The following RPS6KA5 variants were observed in gnomAD, a reference collection of about 807,000 sequenced individuals.
RPS6KA5 encodes the protein ribosomal protein S6 kinase alpha-5.
RPS6KA5 carries 27 observed loss-of-function variants against 85.5 expected under a neutral mutation model. The ratio of observed to expected loss-of-function variants is 0.32; its 90% confidence interval spans 0.23 to 0.44. The LOEUF (loss-of-function observed/expected upper bound fraction) is 0.44, where lower values mean the gene tolerates loss of function less well. RPS6KA5 is among the 20% of genes least tolerant of loss of function. The probability of loss-of-function intolerance (pLI) is 1.00; values close to 1 mark genes in which losing one functional copy is unlikely to be tolerated. For missense variants in RPS6KA5, 811 were observed against 980.9 expected, an observed-to-expected ratio of 0.83 and a Z score of 2.31; for synonymous variants, 334 against 348.2, an observed-to-expected ratio of 0.96 and a Z score of 0.46.
intron 3 of RPS6KA5, among the ~76,000 whole-genome samples, chr14:90,960,644 C>T (rs954400227): frequency 6.6e-6 from 1 of 152,210 alleles, no homozygotes. Context: ...AAACTGTCTA[C>T]TGCTAGAATT....
chr14:90,909,442 C>T (rs527440543), intron 7 of RPS6KA5, among the ~76,000 whole-genome samples: 24 of 152,278 alleles, frequency 1.6e-4, no homozygotes, highest in Middle Eastern at 3.4e-3. Flanking sequence ...AAACCCCTCA[C>T]GTGTATGTTA....
intron 12 of RPS6KA5, among the ~76,000 whole-genome samples, chr14:90,895,965 C>T (rs921808070): frequency 6.6e-6 from 1 of 152,212 alleles, no homozygotes; most frequent in East Asian, 1.9e-4. Flanking sequence ...TGGCAATATA[C>T]TGAATTCAGG....
intron 3 of RPS6KA5, among the ~76,000 whole-genome samples, chr14:90,974,821 C>A (rs1311890075): frequency 6.6e-6 from 1 of 152,156 alleles, no homozygotes; most frequent in Non-Finnish European, 1.5e-5. Flanking sequence ...CTCAGCCAAC[C>A]CATGGGATCA....
At chr14:91,054,854 T>G (rs1386530342) in intron 1 of RPS6KA5, among the ~76,000 whole-genome samples, 2 of 151,932 alleles carry the variant, frequency 1.3e-5, no homozygotes, top group African/African-American at 4.8e-5. Context: ...ATCAAAAAAG[T>G]GAAAAGACAG....
intron 1 of RPS6KA5, among the ~76,000 whole-genome samples, chr14:91,059,114 G>A (rs1358935246): frequency 6.6e-6 from 1 of 152,078 alleles, no homozygotes; most frequent in Admixed American, 6.6e-5. Flanking sequence ...GATCACTTGA[G>A]GTCGGGAGTT....
chr14:90,974,411 T>C (rs1315058707), intron 3 of RPS6KA5, among the ~76,000 whole-genome samples: 1 of 152,212 alleles, frequency 6.6e-6, no homozygotes, highest in Non-Finnish European at 1.5e-5. Flanking sequence ...TTACAATTAG[T>C]AAAATATGAA....
intron 5 of RPS6KA5, among the ~76,000 whole-genome samples, chr14:90,941,940 GT>G (rs977950959): frequency 7.9e-5 from 12 of 152,088 alleles, no homozygotes; most frequent in African/African-American, 2.9e-4. Flanking sequence ...GGCATAAAAA[GT>G]TTTAAAAATC....
intron 2 of RPS6KA5, among the ~76,000 whole-genome samples, chr14:90,991,095 G>A (rs1172304153): frequency 6.6e-6 from 1 of 152,056 alleles, no homozygotes; most frequent in African/African-American, 2.4e-5. Flanking sequence ...AAAGACAGGG[G>A]AAACTGAAAG....
chr14:90,957,886 A>C (rs2038606006), intron 3 of RPS6KA5, among the ~76,000 whole-genome samples: 1 of 151,978 alleles, frequency 6.6e-6, no homozygotes. Flanking sequence ...TCATGCATGA[A>C]ATCTCAGCAC....
intron 2 of RPS6KA5, among the ~76,000 whole-genome samples, chr14:90,988,405 A>G (rs2040150563): frequency 6.6e-6 from 1 of 152,236 alleles, no homozygotes; most frequent in South Asian, 2.1e-4. Flanking sequence ...AGCATTTATT[A>G]TGTGTCAGGC....
chr14:90,956,467 G>A (rs2038515078), intron 3 of RPS6KA5, among the ~76,000 whole-genome samples: 1 of 152,042 alleles, frequency 6.6e-6, no homozygotes, highest in Non-Finnish European at 1.5e-5. Context: ...CCCCCAGTCT[G>A]ACAATCTCTG....
intron 11 of RPS6KA5, 112 bp downstream of exon 11, chr14:90,899,996 T>G (rs1001614157): frequency 2.3e-6 from 2 of 885,230 alleles, no homozygotes; most frequent in Non-Finnish European, 3.1e-6. Flanking sequence ...GGTTAAACCT[T>G]TGGGTAAGAA....
chr14:90,890,598 A>G lies in RPS6KA5; in HGVS notation c.1725T>C (p.Asp575=), dbSNP rs1162841258. The G allele has an allele frequency of 6.2e-7, 1 of 1,614,182 alleles. No homozygotes were observed. Among genetic ancestry groups the G allele is most frequent in the South Asian group, 1.1e-5 (1 of 91,082 alleles). The change falls in exon 14 of 17, where the codon GAT becomes GAC. Residue 575 remains aspartate (D), a synonymous_variant. Coordinates refer to ENST00000614987, the MANE Select transcript of RPS6KA5 (RefSeq NM_004755.4). ...AGCATGGAGTCTTCAGGGGCTGATT[A>G]TCCGGTGGCTTTAGCCGTGCAAATC... ...DFGFARLKPP[D]NQPLKTPCFT... is the part of the protein sequence containing the mutation.
intron 5 of RPS6KA5, among the ~76,000 whole-genome samples, chr14:90,931,865 C>T (rs1249089016): frequency 6.6e-6 from 1 of 151,986 alleles, no homozygotes; most frequent in Non-Finnish European, 1.5e-5. Flanking sequence ...ATGAAACATC[C>T]CATTTATCAG....
At chr14:90,917,321 T>C (rs1595209087) in intron 7 of RPS6KA5, among the ~76,000 whole-genome samples, 4 of 152,198 alleles carry the variant, frequency 2.6e-5, no homozygotes, top group South Asian at 4.2e-4. Flanking sequence ...CTTCCTAGCC[T>C]GTCCTGGAAA....
chr14:91,010,915 G>A (rs1337821217), intron 1 of RPS6KA5, among the ~76,000 whole-genome samples: 2 of 152,092 alleles, frequency 1.3e-5, no homozygotes, highest in African/African-American at 4.8e-5. Context: ...ATATGTTAAG[G>A]TGTCAAGGGC....
At chr14:91,016,481 T>C (rs865969272) in intron 1 of RPS6KA5, among the ~76,000 whole-genome samples, 7 of 152,212 alleles carry the variant, frequency 4.6e-5, no homozygotes, top group Non-Finnish European at 7.3e-5. Flanking sequence ...CATTCTGTCA[T>C]ATTTTTCTAT....
chr14:90,906,269 G>A lies in RPS6KA5; in HGVS notation c.837C>T (p.Pro279=), dbSNP rs1381077261. Residue 279 remains proline (P), a synonymous_variant, in exon 8 of 17, where the codon CCC becomes CCT. Coordinates refer to ENST00000614987, the MANE Select transcript of RPS6KA5 (RefSeq NM_004755.4). ...RRILKSEPPY[P]QEMSALAKDL... is the part of the protein sequence containing the mutation. ...CTTTCGCTAAAGCACTCATTTCTTG[G>A]GGATATGGAGGCTCACTTTTTAATA... The A allele has an allele frequency of 1.2e-6, 2 of 1,608,994 alleles. No homozygotes were observed. The highest frequency in any genetic ancestry group is 2.7e-5 in the African/African-American group (2 of 74,748).
chr14:90,859,931 G>T lies in RPS6KA5; in HGVS notation c.*12143C>A, dbSNP rs1035076521. The T allele has an allele frequency of 1.3e-5, 2 of 150,750 alleles. No individual in the cohort carries two copies. The highest frequency in any genetic ancestry group is 4.9e-5 in the African/African-American group (2 of 40,930). 9.3% of individuals were successfully genotyped at this position (150,750 alleles called of 1,614,324 possible). ...AACAATGAGAACACATGGAAACAGG[G>T]AGGGGAACATCACACGCTGGGGCCT... On this transcript the variant is annotated 3_prime_UTR_variant, in exon 17 of 17. Coordinates refer to ENST00000614987, the MANE Select transcript of RPS6KA5 (RefSeq NM_004755.4).
Sources: allele counts gnomAD v4.1 joint callset (sites outside exome capture counted in the v4.1 genomes callset), GRCh38; gene constraint gnomAD v4.1.1; transcripts MANE v1.5; gene names NCBI Gene and HGNC (gene_info 2026-07-23, HGNC 2026-07-21).